Variants in NME7 observed in about 807,000 individuals in gnomAD.
NME7 encodes the protein nucleoside diphosphate kinase 7.
Under a neutral mutation model 49.1 loss-of-function variants are expected in NME7, and 41 were observed. The observed-to-expected ratio is 0.83, with a 90% CI of 0.65 to 1.08. The LOEUF (loss-of-function observed/expected upper bound fraction) is 1.08. NME7 is among the 50% of genes least tolerant of loss of function. The pLI is 0.00. For synonymous variants in NME7, 139 were observed against 150.6 expected, an observed-to-expected ratio of 0.92 and a Z score of 0.56; for missense variants, 423 against 463.4, an observed-to-expected ratio of 0.91 and a Z score of 0.80.
intron 6 of NME7, among the ~76,000 whole-genome samples, chr1:169,287,710 T>C (rs557550650): frequency 2.8e-4 from 43 of 151,990 alleles, no homozygotes; most frequent in African/African-American, 1.0e-3. Flanking sequence ...GAAATACCAA[T>C]ATAAAGTTCT....
At chr1:169,273,623 C>A (rs1215380356) in intron 7 of NME7, among the ~76,000 whole-genome samples, 5 of 130,148 alleles carry the variant, frequency 3.8e-5, no homozygotes, top group African/African-American at 7.8e-5. Flanking sequence ...CCCCCTACCC[C>A]ACAACAGTCC....
At chr1:169,174,116 G>A (rs936957708) in intron 10 of NME7, among the ~76,000 whole-genome samples, 5 of 152,148 alleles carry the variant, frequency 3.3e-5, no homozygotes, top group Admixed American at 1.3e-4. Flanking sequence ...AGGTAATCCT[G>A]CTGTGGGAGG....
chr1:169,337,304 C>A (rs896893535), intron 1 of NME7, among the ~76,000 whole-genome samples: 2 of 152,206 alleles, frequency 1.3e-5, no homozygotes, highest in African/African-American at 4.8e-5. Context: ...GTACACCCTC[C>A]GCAGCTGCTG....
chr1:169,228,680 T>A (rs1316902133), intron 10 of NME7, among the ~76,000 whole-genome samples: 4 of 102,778 alleles, frequency 3.9e-5, no homozygotes, highest in Admixed American at 2.3e-4. Context: ...CGAGACTCCG[T>A]CTCAAAAAAA....
chr1:169,229,957 A>G (rs1216941668), intron 10 of NME7, among the ~76,000 whole-genome samples: 1 of 151,676 alleles, frequency 6.6e-6, no homozygotes, highest in African/African-American at 2.4e-5. Flanking sequence ...GTGAGACTCC[A>G]TCTAAAAAAA....
intron 1 of NME7, among the ~76,000 whole-genome samples, chr1:169,325,846 C>T (rs1469090647): frequency 1.3e-5 from 2 of 152,008 alleles, no homozygotes; most frequent in Non-Finnish European, 1.5e-5. Context: ...ATGCTGATTA[C>T]TCAAGAGAAA....
chr1:169,183,970 A>AT (rs35165011), intron 10 of NME7, among the ~76,000 whole-genome samples: 9,405 of 151,542 alleles, frequency 0.062, 1,145 homozygotes, highest in East Asian at 0.59. Flanking sequence ...TTGTAAAAAG[A>AT]TTTTTTTTTC....
At chr1:169,162,210 T>C (rs2101835041) in intron 11 of NME7, among the ~76,000 whole-genome samples, 1 of 152,314 alleles carries the variant, frequency 6.6e-6, no homozygotes, top group South Asian at 2.1e-4. Flanking sequence ...CCATCTCTTA[T>C]GTGGGCGGCC....
At chr1:169,177,532 A>G (rs1659786847) in intron 10 of NME7, among the ~76,000 whole-genome samples, 1 of 152,072 alleles carries the variant, frequency 6.6e-6, no homozygotes, top group South Asian at 2.1e-4. Flanking sequence ...CATCCCTATA[A>G]CCCCAGCACT....
chr1:169,333,724 G>A (rs534423677), intron 1 of NME7, among the ~76,000 whole-genome samples: 1 of 152,096 alleles, frequency 6.6e-6, no homozygotes, highest in Non-Finnish European at 1.5e-5. Context: ...CTCCAGATCT[G>A]CTCTTAGACA....
chr1:169,304,220 T>A (rs1651086322), intron 4 of NME7, among the ~76,000 whole-genome samples: 1 of 152,206 alleles, frequency 6.6e-6, no homozygotes. Context: ...CTAAAAAGTC[T>A]AAAAAACTTT....
intron 3 of NME7, among the ~76,000 whole-genome samples, chr1:169,321,279 G>A (rs1651842992): frequency 6.6e-6 from 1 of 152,162 alleles, no homozygotes; most frequent in Non-Finnish European, 1.5e-5. Flanking sequence ...AGGATCACTT[G>A]AGCATGGGAA....
intron 11 of NME7, among the ~76,000 whole-genome samples, chr1:169,135,101 G>A (rs1658392611): frequency 6.6e-6 from 1 of 151,406 alleles, no homozygotes; most frequent in Non-Finnish European, 1.5e-5. Context: ...GGGGTGGTAG[G>A]ACAGCTTGAG....
intron 10 of NME7, among the ~76,000 whole-genome samples, chr1:169,177,490 A>C (rs1347331568): frequency 6.6e-6 from 1 of 152,088 alleles, no homozygotes; most frequent in East Asian, 1.9e-4. Context: ...ATTAAGAGAA[A>C]ATGCAAAATT....
At chr1:169,214,858 G>T (rs1161903173) in intron 10 of NME7, among the ~76,000 whole-genome samples, 4 of 152,218 alleles carry the variant, frequency 2.6e-5, no homozygotes, top group African/African-American at 9.6e-5. Flanking sequence ...ACCCCAGAGG[G>T]TGTGTTACAA....
At chr1:169,165,021 A>T (rs903915181) in intron 11 of NME7, among the ~76,000 whole-genome samples, 3 of 152,186 alleles carry the variant, frequency 2.0e-5, no homozygotes, top group African/African-American at 7.2e-5. Flanking sequence ...TTAACACACA[A>T]ATTTAAGATC....
chr1:169,151,624 A>G (rs952870792), intron 11 of NME7, among the ~76,000 whole-genome samples: 1 of 152,202 alleles, frequency 6.6e-6, no homozygotes, highest in Non-Finnish European at 1.5e-5. Flanking sequence ...TCCTTCCACC[A>G]GGCCAGACCC....
chr1:169,318,724 A>G (rs573352433), intron 3 of NME7, among the ~76,000 whole-genome samples: 1 of 152,242 alleles, frequency 6.6e-6, no homozygotes, highest in East Asian at 1.9e-4. Flanking sequence ...AAAGCAACAC[A>G]TTGTTGAAGT....
intron 9 of NME7, among the ~76,000 whole-genome samples, chr1:169,234,112 T>A (rs1487858159): frequency 6.6e-6 from 1 of 152,164 alleles, no homozygotes; most frequent in Non-Finnish European, 1.5e-5. Flanking sequence ...GCATAACATG[T>A]TCCTTCAAAA....
Sources: allele counts gnomAD v4.1 joint callset (sites outside exome capture counted in the v4.1 genomes callset), GRCh38; gene constraint gnomAD v4.1.1; transcripts MANE v1.5; gene names NCBI Gene and HGNC (gene_info 2026-07-23, HGNC 2026-07-21).